OR52E4: variants seen among roughly 807,000 people sequenced by gnomAD.
OR52E4 encodes olfactory receptor 52E4.
For missense variants in OR52E4, 444 were observed against 383.8 expected, an observed-to-expected ratio of 1.16 and a Z score of -1.31; for synonymous variants, 169 against 137.4, an observed-to-expected ratio of 1.23 and a Z score of -1.61.
Position 5,884,338 on chromosome 11 carries a change from C to T in OR52E4, c.46C>T (p.Leu16=). The T allele has an allele frequency of 1.2e-6, 2 of 1,612,730 alleles. No homozygotes were observed. Among genetic ancestry groups the T allele is most frequent in the Non-Finnish European group, 8.5e-7 (1 of 1,179,200 alleles). ...DTHFYPPFFL[L]LGIPGLDTLH... ...CCACTTCTATCCCCCCTTCTTCCTC[C>T]TGCTAGGAATACCAGGACTGGACAC... The change falls in exon 2 of 2, where the codon CTG becomes TTG. Residue 16 remains leucine, a synonymous_variant. Transcript: ENST00000641726.
intron 1 of OR52E4, 137 bp from the exon 2 acceptor site, chr11:5,884,082 T>C: frequency 2.0e-6 from 1 of 509,558 alleles, no homozygotes; most frequent in South Asian, 3.4e-5. Flanking sequence ...TTGCCTATGA[T>C]GGATCTCAGA....
chr11:5,885,525 A>AT lies in OR52E4; in HGVS notation c.*301dup, dbSNP rs748479227. The AT allele has an allele frequency of 9.3e-4, 238 of 256,244 alleles. No homozygotes were observed. The highest frequency in any genetic ancestry group is 1.3e-3 in the Non-Finnish European group (173 of 134,910). 15.9% of individuals were successfully genotyped at this position (256,244 alleles called of 1,614,324 possible). A position where few individuals can be genotyped will look rare whatever the true frequency, so the allele number is the denominator to read the frequency against. On this transcript the variant is annotated 3_prime_UTR_variant, in exon 2 of 2. Transcript: ENST00000641726. Reference sequence around the variant, plus strand: ...GTAAACAAGGGTGATAGGTAGCTCCATTTTTTTCCATATGTCTTCTCTCTA... The same window carrying AT: ...GTAAACAAGGGTGATAGGTAGCTCCATTTTTTTTCCATATGTCTTCTCTCTA...
At chr11:5,881,932 G>A (rs1289084552) in intron 1 of OR52E4, among the ~76,000 whole-genome samples, 1 of 151,982 alleles carries the variant, frequency 6.6e-6, no homozygotes, top group African/African-American at 2.4e-5. Flanking sequence ...GTCCACAGAA[G>A]ACTTCTGTAA....
intron 1 of OR52E4, among the ~76,000 whole-genome samples, chr11:5,883,237 A>G (rs1041832828): frequency 6.6e-6 from 1 of 152,000 alleles, no homozygotes; most frequent in African/African-American, 2.4e-5. Flanking sequence ...GAATGACAGG[A>G]TCTTGGAGAA....
intron 1 of OR52E4, among the ~76,000 whole-genome samples, chr11:5,882,897 G>A (rs906820680): frequency 1.3e-5 from 2 of 152,010 alleles, no homozygotes; most frequent in African/African-American, 4.8e-5. Context: ...TATTCTCTTT[G>A]TAGAAATAAG....
rs189113578 is a variant in OR52E4, at chr11:5,884,375, G to T, written c.83G>T (p.Trp28Leu). 1.7e-5 allele frequency: 27 copies of T among 1,613,200 alleles called. No homozygotes were observed. The East Asian group carries it at 6.0e-4, about 36-fold the overall frequency. ...GIPGLDTLHI[W>L]ISFPFCIVYL... ...CCAGGACTGGACACTTTACATATCTGGATTTCTTTCCCATTCTGTATTGTG... is the reference window on the plus strand; with the variant it reads ...CCAGGACTGGACACTTTACATATCTTGATTTCTTTCCCATTCTGTATTGTG... Residue 28 changes from tryptophan (W) to leucine (L), a missense_variant, in exon 2 of 2, where the codon TGG becomes TTG. Transcript: ENST00000641726.
At chr11:5,883,112 T>C (rs191748834) in intron 1 of OR52E4, among the ~76,000 whole-genome samples, 2 of 152,206 alleles carry the variant, frequency 1.3e-5, no homozygotes, top group East Asian at 1.9e-4. Context: ...AGGCACAATT[T>C]TGGGACATGG....
At chr11:5,884,134 A>C (rs371692932) in intron 1 of OR52E4, 85 bp from the exon 2 acceptor site, 1 of 605,686 alleles carries the variant, frequency 1.7e-6, no homozygotes, top group Non-Finnish European at 2.9e-6. Flanking sequence ...TATCCTCTGG[A>C]AAGAAGTGAG....
chr11:5,882,069 A>G (rs1487822885), intron 1 of OR52E4, among the ~76,000 whole-genome samples: 1 of 152,120 alleles, frequency 6.6e-6, no homozygotes, highest in Non-Finnish European at 1.5e-5. Context: ...GTCTTTTCAG[A>G]TGGACTCCAG....
In OR52E4 at chr11:5,884,624, G is replaced by A. The variant is rs761140183; in HGVS notation, c.332G>A (p.Gly111Asp). The change falls in exon 2 of 2, where the codon GGC (glycine) becomes GAC (aspartate). Residue 111 changes from glycine (G) to aspartate (D), a missense_variant. Physicochemically the swap from Gly to Asp is moderately conservative, Grantham distance 94 (BLOSUM62 -1). Transcript: ENST00000641726. Reference sequence around the variant, plus strand: ...ATGTTCTTTATTCACATGTTTACAGGCATGGAGACTGTTCTGTTGGTGGTC... The same window carrying A: ...ATGTTCTTTATTCACATGTTTACAGACATGGAGACTGTTCTGTTGGTGGTC... Reference protein sequence around the residue: ...LQMFFIHMFTGMETVLLVVMA... With the variant: ...LQMFFIHMFTDMETVLLVVMA... The A allele has an allele frequency of 5.6e-5, 91 of 1,613,380 alleles. No homozygotes were observed. Among genetic ancestry groups the A allele is most frequent in the Non-Finnish European group, 7.2e-5 (85 of 1,179,694 alleles).
intron 1 of OR52E4, among the ~76,000 whole-genome samples, chr11:5,881,341 A>T (rs1262763321): frequency 6.6e-6 from 1 of 152,122 alleles, no homozygotes; most frequent in Admixed American, 6.6e-5. Flanking sequence ...CTGAACCGCC[A>T]ATGGCACAGT....
In OR52E4 at chr11:5,884,959, C is replaced by T. The variant is rs1847018942; in HGVS notation, c.667C>T (p.Leu223Phe). The T allele has an allele frequency of 1.2e-6, 2 of 1,612,770 alleles. No homozygotes were observed. The highest frequency in any genetic ancestry group is 2.7e-5 in the African/African-American group (2 of 74,936). ...ILIASSYVLI[L>F]RAVFRLPSQD... is the part of the protein sequence containing the mutation. ...AATTGCCTCTTCCTATGTGCTTATC[C>T]TTAGAGCTGTTTTTCGCCTTCCCTC... The change falls in exon 2 of 2, where the codon CTT (leucine) becomes TTT (phenylalanine). Residue 223 changes from leucine (L) to phenylalanine (F), a missense_variant. By Grantham distance (22) the Leu-to-Phe change is conservative. Coordinates refer to ENST00000641726, the MANE Select transcript of OR52E4 (RefSeq NM_001005165.2).
Position 5,885,733 on chromosome 11 carries a change from G to A in OR52E4, c.*502G>A, listed in dbSNP as rs563865204. On this transcript the variant is annotated 3_prime_UTR_variant, in exon 2 of 2. Coordinates refer to ENST00000641726, the MANE Select transcript of OR52E4 (RefSeq NM_001005165.2). Reference sequence around the variant, plus strand: ...TTTATTTTAATGCTCTCTCAGTCTTGCTGTTACTGCCATTTTTGCTCCTTT... The same window carrying A: ...TTTATTTTAATGCTCTCTCAGTCTTACTGTTACTGCCATTTTTGCTCCTTT... 1 of 152,594 alleles carries A rather than the reference G, an allele frequency of 6.6e-6. No homozygotes were observed. The highest frequency in any genetic ancestry group is 1.9e-4 in the East Asian group (1 of 5,166). 9.5% of individuals were successfully genotyped at this position (152,594 alleles called of 1,614,324 possible).
Position 5,884,438 on chromosome 11 carries a change from T to A in OR52E4, c.146T>A (p.Phe49Tyr), listed in dbSNP as rs1490468788. 6.2e-7 allele frequency: 1 copy of A among 1,613,550 alleles called. No individual in the cohort carries two copies. Reference protein sequence around the residue: ...IAIVGNMTILFVIKTEHSLHQ... With the variant: ...IAIVGNMTILYVIKTEHSLHQ... ...ATTGTGGGGAATATGACCATTCTCT[T>A]TGTGATCAAAACTGAACATAGTCTA... Residue 49 changes from phenylalanine to tyrosine, a missense_variant, in exon 2 of 2, where the codon TTT becomes TAT. By Grantham distance (22) the Phe-to-Tyr change is conservative. Transcript: ENST00000641726.
rs1389118280 is a variant in OR52E4 at position 5,886,535 on chromosome 11, A to T, written c.*1304A>T. On this transcript the variant is annotated 3_prime_UTR_variant, in exon 2 of 2. Transcript: ENST00000641726. The stretch of plus-strand genomic sequence containing the variant: ...CTCAAGCTATGGTAAGCACAGGGCC[A>T]GACTTGATATCGACTTCAAAATAAT... 1.3e-5 allele frequency: 2 copies of T among 152,122 alleles called. No homozygotes were observed. Among genetic ancestry groups the T allele is most frequent in the Non-Finnish European group, 2.9e-5 (2 of 67,996 alleles). The allele number at this position is 152,122 out of a possible 1,614,324, so 9.4% of individuals were successfully genotyped here.
At position 5,884,244 on chromosome 11, in the gene OR52E4, G is replaced by C. The variant is rs996224012; in HGVS notation, c.-49G>C. On this transcript the variant is annotated 5_prime_UTR_variant, in exon 2 of 2. Transcript: ENST00000641726. ...GAACTTGACAAGAGAGGACCTTAAA[G>C]AAAGTGAGATCCTTCATACTTAGGA... The C allele has an allele frequency of 7.3e-7, 1 of 1,367,516 alleles. No individual in the cohort carries two copies. Among genetic ancestry groups the C allele is most frequent in the African/African-American group, 1.4e-5 (1 of 69,436 alleles). 84.7% of individuals were successfully genotyped at this position (1,367,516 alleles called of 1,614,324 possible).
At chr11:5,882,813 G>A (rs910827530) in intron 1 of OR52E4, among the ~76,000 whole-genome samples, 8 of 151,734 alleles carry the variant, frequency 5.3e-5, no homozygotes, top group African/African-American at 1.5e-4. Flanking sequence ...CTGAACAACT[G>A]GGAACCAACA....
intron 1 of OR52E4, among the ~76,000 whole-genome samples, chr11:5,883,577 TA>T (rs1846993342): frequency 6.6e-6 from 1 of 151,346 alleles, no homozygotes; most frequent in Non-Finnish European, 1.5e-5. Flanking sequence ...AATATTAAAA[TA>T]ATATTAACAA....
At position 5,884,703 on chromosome 11, in the gene OR52E4, C is replaced by T. The variant is rs772321679; in HGVS notation, c.411C>T (p.Ile137=). Residue 137 remains isoleucine (I), a synonymous_variant, in exon 2 of 2, where the codon ATC becomes ATT. Coordinates refer to ENST00000641726, the MANE Select transcript of OR52E4 (RefSeq NM_001005165.2). ...GCAACCCTCTCCAGTACACCATGATCCTCACCAATAAAACCATCAGTATCC... is the reference window on the plus strand; with the variant it reads ...GCAACCCTCTCCAGTACACCATGATTCTCACCAATAAAACCATCAGTATCC... The part of the protein sequence containing the change: ...AICNPLQYTM[I]LTNKTISILA... 3.7e-6 allele frequency: 6 copies of T among 1,613,520 alleles called. No homozygotes were observed. The highest frequency in any genetic ancestry group is 2.2e-5 in the East Asian group (1 of 44,866).
Sources: gnomAD v4.1 joint callset for allele counts (sites outside exome capture counted in the v4.1 genomes callset) on GRCh38, gnomAD v4.1.1 for gene constraint, MANE v1.5 for transcripts, NCBI Gene and HGNC (gene_info 2026-07-23, HGNC 2026-07-21) for gene names.